Variants in TENM2 observed in about 807,000 individuals in gnomAD.
The protein encoded by TENM2 is teneurin-2.
Under a neutral mutation model 245.2 loss-of-function variants are expected in TENM2, and 52 were observed. The observed-to-expected ratio is 0.21, with a 90% CI of 0.17 to 0.27. The LOEUF is 0.27. TENM2 is among the 10% of genes least tolerant of loss of function. The pLI is 1.00. For missense variants in TENM2, 3,046 were observed against 3,666.8 expected (o/e 0.83, Z 4.37); for synonymous variants, 1,363 against 1,438.9 (o/e 0.95, Z 1.19).
intron 2 of TENM2, among the ~76,000 whole-genome samples, chr5:167,507,645 A>G (rs1236944168): frequency 6.6e-6 from 1 of 152,088 alleles, no homozygotes. Context: ...TCCCCCTTCA[A>G]CCCTGTCAAA....
chr5:167,027,557 T>C, the TENM2 span, among the ~76,000 whole-genome samples: 18 of 152,240 alleles, frequency 1.2e-4, no homozygotes, highest in Middle Eastern at 3.2e-3. Flanking sequence ...GCCATTGGTA[T>C]AGATCATCGT....
At chr5:167,600,636 A>G (rs1018706935) in intron 2 of TENM2, among the ~76,000 whole-genome samples, 3 of 152,306 alleles carry the variant, frequency 2.0e-5, no homozygotes, top group South Asian at 4.1e-4. Flanking sequence ...AATGAAATGA[A>G]AACAACTCTT....
At chr5:167,505,149 A>T (rs975667386) in intron 2 of TENM2, among the ~76,000 whole-genome samples, 1 of 152,128 alleles carries the variant, frequency 6.6e-6, no homozygotes, top group Admixed American at 6.6e-5. Flanking sequence ...TGATATTCAA[A>T]CTGATGCTAT....
At chr5:168,010,112 G>A (rs1785115672) in intron 5 of TENM2, among the ~76,000 whole-genome samples, 1 of 152,204 alleles carries the variant, frequency 6.6e-6, no homozygotes, top group South Asian at 2.1e-4. Flanking sequence ...TAATTTTGGA[G>A]TGCATTCCCG....
At chr5:167,438,461 G>A (rs1278125822) in intron 2 of TENM2, among the ~76,000 whole-genome samples, 3 of 152,132 alleles carry the variant, frequency 2.0e-5, no homozygotes, top group East Asian at 1.9e-4. Context: ...GCGCCATCTC[G>A]GCTCACTGCA....
exon 17 of TENM2, chr5:168,200,091 T>A: frequency 6.2e-7 from 1 of 1,613,888 alleles, no homozygotes; most frequent in Non-Finnish European, 8.5e-7. Context: ...ACAAGACAGA[T>A]GCGTATGGCC....
chr5:167,509,276 A>G (rs1391092027), intron 2 of TENM2, among the ~76,000 whole-genome samples: 1 of 152,228 alleles, frequency 6.6e-6, no homozygotes. Context: ...ATATATTAAA[A>G]TTTCTAATTG....
chr5:167,061,441 A>G, the TENM2 span, among the ~76,000 whole-genome samples: 1 of 152,198 alleles, frequency 6.6e-6, no homozygotes, highest in South Asian at 2.1e-4. Context: ...ATAATTTAAC[A>G]GGCACAATTT....
intron 2 of TENM2, among the ~76,000 whole-genome samples, chr5:167,766,729 A>C (rs1027019831): frequency 5.3e-4 from 80 of 151,994 alleles, no homozygotes; most frequent in Non-Finnish European, 4.9e-4. Context: ...ATACAAAAAA[A>C]TTAACTGGGT....
chr5:167,156,647 A>C, the TENM2 span, among the ~76,000 whole-genome samples: 1 of 152,154 alleles, frequency 6.6e-6, no homozygotes, highest in Non-Finnish European at 1.5e-5. Flanking sequence ...TGGGATAGAA[A>C]AGCATAGTAG....
intron 12 of TENM2, among the ~76,000 whole-genome samples, chr5:168,139,898 T>C (rs1755386517): frequency 6.6e-6 from 1 of 152,222 alleles, no homozygotes; most frequent in Non-Finnish European, 1.5e-5. Context: ...GATTGTTATG[T>C]ATGGTCTCCC....
upstream of TENM2, among the ~76,000 whole-genome samples, chr5:167,284,402 G>A (rs1771218708): frequency 1.3e-5 from 2 of 152,156 alleles, no homozygotes; most frequent in South Asian, 4.1e-4. Flanking sequence ...CTATAGCATA[G>A]AGAGAATGTA....
At chr5:167,304,290 A>C (rs569172069) in intron 1 of TENM2, among the ~76,000 whole-genome samples, 1 of 152,230 alleles carries the variant, frequency 6.6e-6, no homozygotes, top group Non-Finnish European at 1.5e-5. Flanking sequence ...GGCTAACTGT[A>C]TAACTCTTCC....
At chr5:167,438,109 A>G (rs932843597) in intron 2 of TENM2, among the ~76,000 whole-genome samples, 1 of 152,186 alleles carries the variant, frequency 6.6e-6, no homozygotes, top group African/African-American at 2.4e-5. Flanking sequence ...ACTATGAACT[A>G]TCTGATAATC....
At chr5:167,175,395 C>G in the TENM2 span, among the ~76,000 whole-genome samples, 1 of 152,156 alleles carries the variant, frequency 6.6e-6, no homozygotes, top group Admixed American at 6.5e-5. Flanking sequence ...ATAAATGTAG[C>G]AAGAACCAAA....
At chr5:168,005,316 A>C (rs974735805) in intron 5 of TENM2, among the ~76,000 whole-genome samples, 1 of 152,148 alleles carries the variant, frequency 6.6e-6, no homozygotes, top group Non-Finnish European at 1.5e-5. Context: ...CAAGCTGTGG[A>C]CCCCACCCAG....
rs183079943 is a variant in TENM2 at position 167,909,052 on chromosome 5, G to A, written c.712+32857G>A. Among the ~76,000 whole-genome samples, 354 of 144,248 alleles carry A rather than the reference G, an allele frequency of 2.5e-3. 3 individuals are homozygous for A. Among genetic ancestry groups the A allele is most frequent in the Admixed American group, 0.022 (325 of 14,560 alleles). The allele number at this position is 144,248 out of a possible 152,430, so 94.6% of individuals were successfully genotyped here. ...CATTTCTGCTGAATTTTATATTTTC[G>A]TTTTCTTTTCTCTCTCTTTTTTTTT... On this transcript the variant is annotated intron_variant, in intron 3 of 28. Transcript: ENST00000518659.
intron 5 of TENM2, 59 bp downstream of exon 7, chr5:167,993,241 A>C (rs1249521336): frequency 2.8e-6 from 4 of 1,421,366 alleles, no homozygotes; most frequent in African/African-American, 2.8e-5. Context: ...GGGAGAGGCC[A>C]TGGACTTGTG....
intron 5 of TENM2, among the ~76,000 whole-genome samples, chr5:168,014,977 G>T (rs970749631): frequency 3.9e-5 from 6 of 152,078 alleles, no homozygotes; most frequent in African/African-American, 7.2e-5. Context: ...GTGTAGACTG[G>T]TGAAGCTTCA....
Sources: gnomAD v4.1 joint callset for allele counts (sites outside exome capture counted in the v4.1 genomes callset) on GRCh38, gnomAD v4.1.1 for gene constraint, MANE v1.5 for transcripts, NCBI Gene and HGNC (gene_info 2026-07-23, HGNC 2026-07-21) for gene names.